The following VRK1 variants were observed in gnomAD, a reference collection of about 807,000 sequenced individuals.
VRK1 encodes VRK serine/threonine kinase 1.
A neutral mutation model predicts 57.1 loss-of-function variants in VRK1; 33 were observed. That is an observed-to-expected ratio of 0.58 (90% CI 0.44 to 0.77). VRK1 has a LOEUF of 0.77. Among genes scored for constraint, VRK1 ranks in the 30% least tolerant of loss-of-function variants. The probability of loss-of-function intolerance (pLI) is 0.00; values close to 1 mark genes in which losing one functional copy is unlikely to be tolerated. For missense variants in VRK1, 413 were observed against 477.3 expected, an observed-to-expected ratio of 0.87 and a Z score of 1.25; for synonymous variants, 137 against 147.8, an observed-to-expected ratio of 0.93 and a Z score of 0.53.
chr14:96,817,207 A>G (rs1886427052), intron 1 of VRK1, among the ~76,000 whole-genome samples: 1 of 152,148 alleles, frequency 6.6e-6, no homozygotes, highest in Admixed American at 6.5e-5. Flanking sequence ...CTTTAAAGCC[A>G]TATTTATTTC....
At chr14:96,817,816 T>G (rs1394845348) in intron 1 of VRK1, among the ~76,000 whole-genome samples, 1 of 152,238 alleles carries the variant, frequency 6.6e-6, no homozygotes, top group Non-Finnish European at 1.5e-5. Context: ...AGTTTCTAAT[T>G]TTAGAAAAGT....
intron 12 of VRK1, among the ~76,000 whole-genome samples, chr14:96,876,940 A>G (rs751186259): frequency 2.0e-5 from 3 of 152,176 alleles, no homozygotes; most frequent in Non-Finnish European, 2.9e-5. Context: ...TTGGTCTGAT[A>G]TGTTTAATAA....
chr14:96,797,875 C>T (rs371264467), intron 1 of VRK1, among the ~76,000 whole-genome samples: 1 of 152,246 alleles, frequency 6.6e-6, no homozygotes, highest in Non-Finnish European at 1.5e-5. Context: ...GGAAACAACA[C>T]ACGCAGCTGC....
At chr14:96,855,473 GT>G (rs1176744226) in intron 8 of VRK1, 117 bp downstream of exon 8, 1 of 1,492,308 alleles carries the variant, frequency 6.7e-7, no homozygotes, top group East Asian at 2.4e-5. Context: ...AAAAGGCACA[GT>G]GGCATGAGGA....
chr14:96,845,132 C>T (rs943915144), intron 3 of VRK1, among the ~76,000 whole-genome samples: 1 of 152,058 alleles, frequency 6.6e-6, no homozygotes, highest in African/African-American at 2.4e-5. Context: ...TTTTCTCATA[C>T]CTCCTAAAAA....
At chr14:96,812,130 C>T (rs1440032845) in intron 1 of VRK1, among the ~76,000 whole-genome samples, 2 of 152,148 alleles carry the variant, frequency 1.3e-5, no homozygotes, top group Non-Finnish European at 2.9e-5. Flanking sequence ...CTTTTTATTG[C>T]TGAATAATAT....
intron 11 of VRK1, among the ~76,000 whole-genome samples, chr14:96,867,456 A>AGTGTGTGT (rs34415863): frequency 4.8e-4 from 71 of 148,490 alleles, no homozygotes; most frequent in African/African-American, 1.5e-3. Context: ...TCTGTGCACA[A>AGTGTGTGT]GTGTGTGTGT....
intron 11 of VRK1, among the ~76,000 whole-genome samples, chr14:96,863,193 A>G (rs989211239): frequency 1.3e-5 from 2 of 152,258 alleles, no homozygotes; most frequent in African/African-American, 2.4e-5. Context: ...AGAGAGATCA[A>G]GTATACATCT....
At chr14:96,853,290 C>G in intron 7 of VRK1, 124 bp downstream of exon 7, 1 of 786,298 alleles carries the variant, frequency 1.3e-6, no homozygotes, top group Admixed American at 2.1e-5. Flanking sequence ...AATAATATTT[C>G]TTCTTGACAC....
At chr14:96,821,167 A>G (rs1418076130) in intron 1 of VRK1, among the ~76,000 whole-genome samples, 1 of 152,172 alleles carries the variant, frequency 6.6e-6, no homozygotes, top group African/African-American at 2.4e-5. Flanking sequence ...GCTTTTTGAG[A>G]CTAAAGGTTG....
In VRK1 at chr14:96,856,267, G is replaced by A. The variant is rs1477913596; in HGVS notation, c.830+17G>A. ...CAAAATTAGGTAAAGGAAAACTTAA[G>A]TTATTTCTAGCAAAATCATGATAAG... On this transcript the variant is annotated intron_variant, in intron 9 of 12. Coordinates refer to ENST00000216639, the MANE Select transcript of VRK1 (RefSeq NM_003384.3). 1.2e-6 allele frequency: 2 copies of A among 1,611,208 alleles called. No individual in the cohort carries two copies. Among genetic ancestry groups the A allele is most frequent in the Non-Finnish European group, 8.5e-7 (1 of 1,179,170 alleles).
chr14:96,847,602 AC>A (rs938240111), intron 5 of VRK1, among the ~76,000 whole-genome samples: 11 of 152,096 alleles, frequency 7.2e-5, no homozygotes, highest in African/African-American at 2.2e-4. Context: ...ACTGACTGGA[AC>A]CCAACTGACA....
At chr14:96,813,020 T>C (rs1886263218) in intron 1 of VRK1, among the ~76,000 whole-genome samples, 2 of 152,226 alleles carry the variant, frequency 1.3e-5, no homozygotes, top group African/African-American at 4.8e-5. Context: ...TGACTTTAAT[T>C]CAGCCCATTC....
At chr14:96,848,123 A>C (rs1182291532) in intron 5 of VRK1, among the ~76,000 whole-genome samples, 1 of 152,148 alleles carries the variant, frequency 6.6e-6, no homozygotes, top group Non-Finnish European at 1.5e-5. Context: ...TCAGGCAGTC[A>C]TCAAGGGCCC....
chr14:96,824,030 A>G (rs537735703), intron 1 of VRK1, among the ~76,000 whole-genome samples: 10 of 152,334 alleles, frequency 6.6e-5, no homozygotes, highest in African/African-American at 2.4e-4. Flanking sequence ...TTTTTCCTAG[A>G]GATCTGTTAA....
At chr14:96,866,923 A>AT (rs551499661) in intron 11 of VRK1, among the ~76,000 whole-genome samples, 67 of 152,276 alleles carry the variant, frequency 4.4e-4, no homozygotes, top group Middle Eastern at 3.4e-3. Flanking sequence ...GTCTCCACTC[A>AT]TTTTTTAACA....
At chr14:96,806,622 C>G (rs73355679) in intron 1 of VRK1, among the ~76,000 whole-genome samples, 1 of 151,942 alleles carries the variant, frequency 6.6e-6, no homozygotes, top group Non-Finnish European at 1.5e-5. Flanking sequence ...AAAATAATAC[C>G]TATCTTAGAG....
chr14:96,865,795 AG>A (rs1888564191), intron 11 of VRK1, among the ~76,000 whole-genome samples: 2 of 151,870 alleles, frequency 1.3e-5, no homozygotes. Context: ...GATTATACAA[AG>A]TCTTTCCTTT....
chr14:96,850,609 A>T (rs112007481), intron 5 of VRK1, among the ~76,000 whole-genome samples: 1 of 152,186 alleles, frequency 6.6e-6, no homozygotes, highest in Admixed American at 6.5e-5. Flanking sequence ...ACAAAGACCT[A>T]TGTAACAGAA....
Sources: allele counts gnomAD v4.1 joint callset (sites outside exome capture counted in the v4.1 genomes callset), GRCh38; gene constraint gnomAD v4.1.1; transcripts MANE v1.5; gene names NCBI Gene and HGNC (gene_info 2026-07-23, HGNC 2026-07-21).